NEK10: variants seen among roughly 807,000 people sequenced by gnomAD.
NEK10 encodes NIMA related kinase 10.
Under a neutral mutation model 159.8 loss-of-function variants are expected in NEK10, and 122 were observed. That is an observed-to-expected ratio of 0.76 (90% confidence interval 0.66 to 0.89). The LOEUF (loss-of-function observed/expected upper bound fraction) is 0.89. Among genes scored for constraint, NEK10 ranks in the 40% least tolerant of loss-of-function variants. The pLI, the probability that NEK10 is intolerant of heterozygous loss-of-function variation, is 0.00. For missense variants in NEK10, 1,342 were observed against 1,323.1 expected, an observed-to-expected ratio of 1.01 and a Z score of -0.22; for synonymous variants, 466 against 457.1, an observed-to-expected ratio of 1.02 and a Z score of -0.25.
chr3:27,304,134 G>A (rs928482380), intron 12 of NEK10, among the ~76,000 whole-genome samples: 7 of 152,038 alleles, frequency 4.6e-5, no homozygotes, highest in Non-Finnish European at 8.8e-5. Flanking sequence ...AATGTCACTG[G>A]AATTCTACTT....
chr3:27,286,933 A>G (rs1230272713), intron 20 of NEK10, among the ~76,000 whole-genome samples: 1 of 152,036 alleles, frequency 6.6e-6, no homozygotes, highest in Admixed American at 6.6e-5. Context: ...GATGGGTAAA[A>G]TTGTAACAAA....
At chr3:27,144,795 C>T (rs1944134931) in intron 30 of NEK10, among the ~76,000 whole-genome samples, 1 of 152,106 alleles carries the variant, frequency 6.6e-6, no homozygotes, top group African/African-American at 2.4e-5. Context: ...GATCACAGTT[C>T]ACTGCAGCCT....
intron 5 of NEK10, among the ~76,000 whole-genome samples, chr3:27,323,009 G>C (rs1160246069): frequency 6.6e-6 from 1 of 152,176 alleles, no homozygotes; most frequent in Non-Finnish European, 1.5e-5. Context: ...TTGGTGCTCA[G>C]TTTGGGAAAC....
chr3:27,220,414 T>G (rs1387156551), intron 23 of NEK10, among the ~76,000 whole-genome samples: 1 of 152,242 alleles, frequency 6.6e-6, no homozygotes, highest in African/African-American at 2.4e-5. Context: ...CATGTCACTC[T>G]GGCACTTAAT....
intron 29 of NEK10, among the ~76,000 whole-genome samples, chr3:27,169,913 C>T (rs1946801822): frequency 6.6e-6 from 1 of 152,128 alleles, no homozygotes; most frequent in Non-Finnish European, 1.5e-5. Flanking sequence ...ATTTTGAATC[C>T]TAAGAAAGGT....
At chr3:27,155,616 A>G (rs1324691155) in intron 30 of NEK10, among the ~76,000 whole-genome samples, 1 of 152,106 alleles carries the variant, frequency 6.6e-6, no homozygotes, top group Admixed American at 6.5e-5. Context: ...GGAAAACTAC[A>G]AAACACTGCT....
chr3:27,358,105 A>G (rs1049188199), intron 1 of NEK10, among the ~76,000 whole-genome samples: 2 of 152,254 alleles, frequency 1.3e-5, no homozygotes, highest in African/African-American at 2.4e-5. Context: ...TATCTGTAAA[A>G]TAAGTGTTAA....
intron 23 of NEK10, among the ~76,000 whole-genome samples, chr3:27,245,365 T>A (rs184423308): frequency 6.8e-4 from 103 of 152,328 alleles, no homozygotes; most frequent in African/African-American, 2.4e-3. Context: ...GGCTGGCTCT[T>A]ATGTGCTTTG....
intron 32 of NEK10, among the ~76,000 whole-genome samples, chr3:27,131,330 G>A (rs1407325295): frequency 6.6e-6 from 1 of 152,076 alleles, no homozygotes; most frequent in Non-Finnish European, 1.5e-5. Context: ...TTGTTAACCA[G>A]AGGTAAACAA....
intron 30 of NEK10, among the ~76,000 whole-genome samples, 177 bp from the exon 31 acceptor site, chr3:27,141,759 C>T (rs1384059296): frequency 6.6e-6 from 1 of 152,144 alleles, no homozygotes. Context: ...AAAATATCTT[C>T]CCTTTACTTC....
chr3:27,254,783 G>A (rs1956010546), intron 23 of NEK10, among the ~76,000 whole-genome samples: 1 of 152,046 alleles, frequency 6.6e-6, no homozygotes, highest in South Asian at 2.1e-4. Flanking sequence ...TATATGAGTA[G>A]GTTCAGCTTA....
In NEK10 at chr3:27,108,714, C is replaced by T. The variant is rs1939227529; in HGVS notation, c.*2558G>A. Among the ~76,000 whole-genome samples, 1 of 152,126 alleles carries T rather than the reference C, an allele frequency of 6.6e-6. No individual in the cohort carries two copies. Among genetic ancestry groups the T allele is most frequent in the Non-Finnish European group, 1.5e-5 (1 of 68,012 alleles). On this transcript the variant is annotated 3_prime_UTR_variant, in exon 36 of 36. Coordinates refer to ENST00000691995, the MANE Select transcript of NEK10 (RefSeq NM_001394966.1). ...GGTCTATGAAGTTCATGTAACAACT[C>T]CTTTGCACTAATAGACAGTTTGGAG...
Position 27,108,076 on chromosome 3 carries a change from T to A in NEK10, c.*3196A>T, listed in dbSNP as rs1939170707. On this transcript the variant is annotated 3_prime_UTR_variant, in exon 36 of 36. Transcript: ENST00000691995. ...TTCTGGAATTGTACATAATCAGACC[T>A]GTATTTGTTTTTGGACATCAAAATT... Among the ~76,000 whole-genome samples, 1 of 152,226 alleles carries A rather than the reference T, an allele frequency of 6.6e-6. No individual in the cohort carries two copies. The highest frequency in any genetic ancestry group is 1.5e-5 in the Non-Finnish European group (1 of 68,048).
At chr3:27,271,065 T>A (rs1388670678) in intron 22 of NEK10, among the ~76,000 whole-genome samples, 1 of 152,182 alleles carries the variant, frequency 6.6e-6, no homozygotes, top group African/African-American at 2.4e-5. Context: ...GACTGATGGA[T>A]ACATATCTTT....
At chr3:27,182,633 A>G (rs2148925691) in intron 26 of NEK10, among the ~76,000 whole-genome samples, 1 of 152,254 alleles carries the variant, frequency 6.6e-6, no homozygotes, top group South Asian at 2.1e-4. Context: ...TGTTGAAGAG[A>G]TATCTGCATG....
intron 23 of NEK10, 59 bp from the exon 24 acceptor site, chr3:27,202,616 T>A: frequency 7.1e-7 from 1 of 1,407,900 alleles, no homozygotes; most frequent in Non-Finnish European, 9.4e-7. Flanking sequence ...CTCAGAAAGA[T>A]CCAATTTTCA....
intron 5 of NEK10, among the ~76,000 whole-genome samples, chr3:27,331,656 G>A (rs537304758): frequency 3.0e-4 from 45 of 152,262 alleles, no homozygotes; most frequent in African/African-American, 1.1e-3. Flanking sequence ...TCTAGGTCCT[G>A]GAGCAGATAT....
chr3:27,200,638 G>T (rs1949964334), intron 25 of NEK10, among the ~76,000 whole-genome samples: 1 of 152,178 alleles, frequency 6.6e-6, no homozygotes, highest in South Asian at 2.1e-4. Context: ...ATTTTGGTGG[G>T]GAAGAGACAG....
intron 25 of NEK10, among the ~76,000 whole-genome samples, chr3:27,195,519 A>T (rs967206103): frequency 6.6e-6 from 1 of 152,246 alleles, no homozygotes; most frequent in Non-Finnish European, 1.5e-5. Context: ...AAATAAATTT[A>T]TTACAGAATG....
Sources: allele counts gnomAD v4.1 joint callset (sites outside exome capture counted in the v4.1 genomes callset), GRCh38; gene constraint gnomAD v4.1.1; transcripts MANE v1.5; gene names NCBI Gene and HGNC (gene_info 2026-07-23, HGNC 2026-07-21).